The following B3GALT1 variants were observed in gnomAD, a reference collection of about 807,000 sequenced individuals.
B3GALT1 encodes the protein beta-1,3-galactosyltransferase 1.
A neutral mutation model predicts 23.2 loss-of-function variants in B3GALT1; 10 were observed. That is an observed-to-expected ratio of 0.43 (90% CI 0.27 to 0.73). The LOEUF (loss-of-function observed/expected upper bound fraction) is 0.73, where lower values mean the gene tolerates loss of function less well. Among genes scored for constraint, B3GALT1 ranks in the 30% least tolerant of loss-of-function variants. The pLI, the probability that B3GALT1 is intolerant of heterozygous loss-of-function variation, is 0.21. For synonymous variants in B3GALT1, 156 were observed against 141.5 expected (o/e 1.10, Z -0.73); for missense variants, 299 against 405.4 (o/e 0.74, Z 2.25).
chr2:167,788,871 T>G (rs1688385903), intron 3 of B3GALT1, among the ~76,000 whole-genome samples: 1 of 152,068 alleles, frequency 6.6e-6, no homozygotes, highest in South Asian at 2.1e-4. Context: ...CAAAGCAAAA[T>G]AGTGTCAGAA....
At chr2:167,371,937 A>G (rs1697692875) in intron 1 of B3GALT1, among the ~76,000 whole-genome samples, 2 of 151,776 alleles carry the variant, frequency 1.3e-5, no homozygotes, top group African/African-American at 2.4e-5. Context: ...TATATTTATA[A>G]TATTTTTTTC....
intron 3 of B3GALT1, among the ~76,000 whole-genome samples, chr2:167,713,116 A>G (rs1224492203): frequency 6.6e-6 from 1 of 152,196 alleles, no homozygotes; most frequent in Non-Finnish European, 1.5e-5. Context: ...TTTAGTCACA[A>G]TTCTTACTAC....
At chr2:167,388,719 TAAATC>T (rs1028631271) in intron 1 of B3GALT1, among the ~76,000 whole-genome samples, 14 of 152,168 alleles carry the variant, frequency 9.2e-5, no homozygotes, top group African/African-American at 3.4e-4. Flanking sequence ...CCAGGTCAAT[TAAATC>T]AAAGTCCCTG....
At chr2:167,493,722 G>A (rs1161602263) in intron 2 of B3GALT1, among the ~76,000 whole-genome samples, 1 of 152,142 alleles carries the variant, frequency 6.6e-6, no homozygotes, top group Non-Finnish European at 1.5e-5. Context: ...GGCATTGGAA[G>A]TACCTTAAAT....
chr2:167,718,723 A>T (rs1687188866), intron 3 of B3GALT1, among the ~76,000 whole-genome samples: 1 of 151,566 alleles, frequency 6.6e-6, no homozygotes, highest in Admixed American at 6.6e-5. Context: ...AAAGGGCATG[A>T]TCTAATGGTC....
rs578121200 is a variant in B3GALT1 at position 167,324,201 on chromosome 2, G to A, written c.-511+30867G>A. Among the ~76,000 whole-genome samples the A allele has an allele frequency of 3.3e-5, 5 of 152,116 alleles. No individual in the cohort carries two copies. The South Asian group carries it at 1.0e-3, about 32-fold the overall frequency. On this transcript the variant is annotated intron_variant, in intron 1 of 4. Transcript: ENST00000392690. The stretch of plus-strand genomic sequence containing the variant: ...AATTCAAGCTATCAGCATAGGTTCT[G>A]AAATTCCTATAGGGTATGGGCCAAA...
intron 3 of B3GALT1, among the ~76,000 whole-genome samples, chr2:167,649,741 A>T (rs1014715239): frequency 6.6e-6 from 1 of 152,058 alleles, no homozygotes; most frequent in Admixed American, 6.6e-5. Flanking sequence ...CTGAAATACA[A>T]TTGTTTTTGT....
At position 167,841,866 on chromosome 2, in the gene B3GALT1, G is replaced by T. The variant is rs192459319; in HGVS notation, c.-230+23073G>T. ...TAACCATAGGAAATAATGATAGAAAGACTATATTTAAGTAACTTTTCATAC... is the reference window on the plus strand; with the variant it reads ...TAACCATAGGAAATAATGATAGAAATACTATATTTAAGTAACTTTTCATAC... On this transcript the variant is annotated intron_variant, in intron 4 of 4. Coordinates refer to ENST00000392690, the MANE Select transcript of B3GALT1 (RefSeq NM_020981.4). Among the ~76,000 whole-genome samples, 360 of 152,106 alleles carry T rather than the reference G, an allele frequency of 2.4e-3. 1 individual carries two copies. Among genetic ancestry groups the T allele is most frequent in the African/African-American group, 8.4e-3 (347 of 41,474 alleles).
At chr2:167,548,953 T>G (rs956069272) in intron 2 of B3GALT1, among the ~76,000 whole-genome samples, 1 of 152,178 alleles carries the variant, frequency 6.6e-6, no homozygotes, top group Non-Finnish European at 1.5e-5. Context: ...CATTTTGTAT[T>G]AATCTACAAT....
intron 3 of B3GALT1, among the ~76,000 whole-genome samples, chr2:167,742,535 G>A (rs1687590860): frequency 6.6e-6 from 1 of 152,200 alleles, no homozygotes; most frequent in African/African-American, 2.4e-5. Flanking sequence ...AAATATGGGT[G>A]TGTAGCGGCA....
At chr2:167,401,368 A>G (rs545818372) in intron 1 of B3GALT1, among the ~76,000 whole-genome samples, 2 of 152,066 alleles carry the variant, frequency 1.3e-5, no homozygotes, top group South Asian at 2.1e-4. Context: ...TTTGAAACTG[A>G]CTCTCTCAAT....
chr2:167,757,105 C>T (rs1687830741), intron 3 of B3GALT1, among the ~76,000 whole-genome samples: 1 of 152,092 alleles, frequency 6.6e-6, no homozygotes, highest in African/African-American at 2.4e-5. Context: ...TATTATCATC[C>T]ACTACGTCAG....
At chr2:167,867,144 T>C (rs570936729) in intron 4 of B3GALT1, among the ~76,000 whole-genome samples, 15 of 152,282 alleles carry the variant, frequency 9.9e-5, no homozygotes, top group South Asian at 8.3e-4. Context: ...GCCAGGATGG[T>C]CTCGATCTCC....
At chr2:167,694,690 G>A (rs1277410299) in intron 3 of B3GALT1, among the ~76,000 whole-genome samples, 2 of 152,096 alleles carry the variant, frequency 1.3e-5, no homozygotes, top group Non-Finnish European at 2.9e-5. Flanking sequence ...TAGGTATAAA[G>A]TTCTTTAGTG....
chr2:167,568,763 A>G (rs1684226619), intron 2 of B3GALT1, among the ~76,000 whole-genome samples: 1 of 151,734 alleles, frequency 6.6e-6, no homozygotes, highest in Non-Finnish European at 1.5e-5. Context: ...TTCATGAATC[A>G]TGTCTTTGAT....
chr2:167,790,046 T>C (rs1004366725), intron 3 of B3GALT1, among the ~76,000 whole-genome samples: 7 of 152,178 alleles, frequency 4.6e-5, no homozygotes, highest in Admixed American at 1.3e-4. Flanking sequence ...AGTTTTGTTT[T>C]GTTTTGTTTT....
chr2:167,816,451 T>G (rs1475991078), intron 3 of B3GALT1, among the ~76,000 whole-genome samples: 1 of 152,124 alleles, frequency 6.6e-6, no homozygotes, highest in African/African-American at 2.4e-5. Context: ...ACCTTTTTTT[T>G]TTTGGCCCTG....
intron 4 of B3GALT1, among the ~76,000 whole-genome samples, chr2:167,851,483 A>G (rs2105416736): frequency 6.6e-6 from 1 of 152,330 alleles, no homozygotes; most frequent in East Asian, 1.9e-4. Flanking sequence ...TCTGTGAGCC[A>G]TGTTATGTCT....
At chr2:167,337,313 G>A (rs575749635) in intron 1 of B3GALT1, among the ~76,000 whole-genome samples, 18 of 151,874 alleles carry the variant, frequency 1.2e-4, no homozygotes, top group East Asian at 9.7e-4. Context: ...GAGAATATCC[G>A]TCTGTCTTCC....
Sources: gnomAD v4.1 joint callset for allele counts (sites outside exome capture counted in the v4.1 genomes callset) on GRCh38, gnomAD v4.1.1 for gene constraint, MANE v1.5 for transcripts, NCBI Gene and HGNC (gene_info 2026-07-23, HGNC 2026-07-21) for gene names.